Variants in CD99L2 observed in about 807,000 individuals in gnomAD.
CD99L2 encodes the protein CD99 molecule like 2, also known as CD99 antigen-like protein 2.
Under a neutral mutation model 27.3 loss-of-function variants are expected in CD99L2, and 24 were observed. That is an observed-to-expected ratio of 0.88 (90% CI 0.64 to 1.24). The LOEUF (loss-of-function observed/expected upper bound fraction) is 1.24, where lower values mean the gene tolerates loss of function less well. Ranked by LOEUF, CD99L2 falls within the 50% of genes most tolerant of loss-of-function variation. The pLI, the probability that CD99L2 is intolerant of heterozygous loss-of-function variation, is 0.00. For missense variants in CD99L2, 255 were observed against 221.6 expected (o/e 1.15, Z -0.96); for synonymous variants, 97 against 87.9 (o/e 1.10, Z -0.58).
At chrX:150,772,644 G>C (rs2043481016) in intron 9 of CD99L2, among the ~76,000 whole-genome samples, 1 of 112,973 alleles carries the variant, frequency 8.9e-6, no homozygotes, top group African/African-American at 3.2e-5. Flanking sequence ...GTGTGGAGGA[G>C]ACTGCACAGG....
At chrX:150,791,240 T>C (rs1442497889) in intron 7 of CD99L2, among the ~76,000 whole-genome samples, 1 of 112,157 alleles carries the variant, frequency 8.9e-6, no homozygotes, top group Non-Finnish European at 1.9e-5. Context: ...TTAGTATATA[T>C]ACATATATTT....
At chrX:150,865,256 G>A (rs915172218) in intron 1 of CD99L2, among the ~76,000 whole-genome samples, 1 of 109,539 alleles carries the variant, frequency 9.1e-6, no homozygotes, top group Non-Finnish European at 1.9e-5. Flanking sequence ...GTAACACTTT[G>A]GGAGGCCCAG....
intron 1 of CD99L2, among the ~76,000 whole-genome samples, chrX:150,866,302 C>A (rs5924846): frequency 9.1e-6 from 1 of 109,661 alleles, no homozygotes; most frequent in Non-Finnish European, 1.9e-5. Context: ...AAAAAACACA[C>A]CAGGAAAAAA....
Position 150,777,480 on chromosome X carries a change from C to G in CD99L2, c.499G>C (p.Asp167His). 8.3e-7 allele frequency: 1 copy of G among 1,210,991 alleles called. No homozygotes were observed. The highest frequency in any genetic ancestry group is 1.1e-6 in the Non-Finnish European group (1 of 895,265). Reference sequence around the variant, plus strand: ...TCGTCATTGCTGCCGTACCGGCCATCACCTGAAGAAAAGACAAAAGCACTT... The same window carrying G: ...TCGTCATTGCTGCCGTACCGGCCATGACCTGAAGAAAAGACAAAAGCACTT... ...GEYKPDKGKG[D>H]GRYGSNDDPG... Residue 167 changes from aspartate to histidine, a missense_variant and splice_region_variant, in exon 8 of 11, where the codon GAT (aspartate) becomes CAT (histidine). Asp to His is a moderately conservative substitution (Grantham distance 81, BLOSUM62 -1). Coordinates refer to ENST00000370377, the MANE Select transcript of CD99L2 (RefSeq NM_031462.4).
At chrX:150,792,383 T>C (rs782635327) in intron 7 of CD99L2, among the ~76,000 whole-genome samples, 1 of 112,254 alleles carries the variant, frequency 8.9e-6, no homozygotes, top group Admixed American at 9.4e-5. Context: ...CACCCAGAAG[T>C]AATTGGCTAA....
intron 1 of CD99L2, among the ~76,000 whole-genome samples, chrX:150,839,685 T>A (rs1399719010): frequency 6.5e-5 from 7 of 108,411 alleles, no homozygotes; most frequent in African/African-American, 1.3e-4. Context: ...CTGGGTAACA[T>A]AGGGAGACTC....
intron 1 of CD99L2, among the ~76,000 whole-genome samples, chrX:150,859,501 T>C (rs1264720282): frequency 9.1e-5 from 5 of 55,244 alleles, no homozygotes; most frequent in South Asian, 8.2e-4. Context: ...CTCTGTCTCT[T>C]TTTTTTTTTT....
intron 4 of CD99L2, among the ~76,000 whole-genome samples, chrX:150,805,705 C>T (rs1407463840): frequency 2.7e-5 from 3 of 111,492 alleles, no homozygotes; most frequent in Non-Finnish European, 5.6e-5. Context: ...AAATACTGTT[C>T]AGTGAGGAAA....
At chrX:150,789,371 G>A (rs1486019875) in intron 7 of CD99L2, among the ~76,000 whole-genome samples, 1 of 111,279 alleles carries the variant, frequency 9.0e-6, no homozygotes, top group Non-Finnish European at 1.9e-5. Flanking sequence ...ATCCACCCGC[G>A]TCGGCCTCCA....
chrX:150,825,545 T>G (rs782019545), intron 2 of CD99L2, among the ~76,000 whole-genome samples: 104 of 112,408 alleles, frequency 9.3e-4, no homozygotes, highest in Middle Eastern at 9.2e-3. Context: ...TGGAATCAGT[T>G]GTTGTGTCAG....
At chrX:150,868,431 A>C (rs2124338276) in intron 1 of CD99L2, among the ~76,000 whole-genome samples, 1 of 111,888 alleles carries the variant, frequency 8.9e-6, no homozygotes, top group African/African-American at 3.2e-5. Context: ...GGGAGGTTGA[A>C]GCAGAAGAAT....
At chrX:150,776,408 C>T (rs952932361) in intron 8 of CD99L2, 115 bp from the exon 9 acceptor site, 5 of 875,386 alleles carry the variant, frequency 5.7e-6, no homozygotes, top group Non-Finnish European at 7.7e-6. Flanking sequence ...GCCCCCAACC[C>T]CCAAGCCAGC....
At chrX:150,769,459 T>C (rs2043374695) in intron 10 of CD99L2, among the ~76,000 whole-genome samples, 1 of 112,810 alleles carries the variant, frequency 8.9e-6, no homozygotes, top group Non-Finnish European at 1.9e-5. Context: ...TGACAGTGGA[T>C]GCGACAGCGG....
rs375789738 is a variant in CD99L2, at chrX:150,805,403, G to C, written c.277+9459C>G. On this transcript the variant is annotated intron_variant, in intron 4 of 10. Coordinates refer to ENST00000370377, the MANE Select transcript of CD99L2 (RefSeq NM_031462.4). ...GAATAAGTTCTGGAGATTTATTATAGAGCAGGGTGACTATAGTTAATAATA... is the reference window on the plus strand; with the variant it reads ...GAATAAGTTCTGGAGATTTATTATACAGCAGGGTGACTATAGTTAATAATA... Among the ~76,000 whole-genome samples, 6 of 111,114 alleles carry C rather than the reference G, an allele frequency of 5.4e-5. No individual in the cohort carries two copies. The South Asian group carries it at 2.3e-3, about 42-fold the overall frequency.
At position 150,766,573 on chromosome X, in the gene CD99L2, T is replaced by C. The variant is rs1415300265; in HGVS notation, c.*2461A>G. ...CTTTATCTTTCCTTGAGCTGTGACT[T>C]CACCCAGCATGTGCTCAGAGTTGTT... On this transcript the variant is annotated 3_prime_UTR_variant, in exon 11 of 11. Coordinates refer to ENST00000370377, the MANE Select transcript of CD99L2 (RefSeq NM_031462.4). The C allele has an allele frequency of 9.2e-6, 1 of 108,967 alleles. No homozygotes were observed. The highest frequency in any genetic ancestry group is 1.9e-5 in the Non-Finnish European group (1 of 53,148). 9.0% of individuals were successfully genotyped at this position (108,967 alleles called of 1,213,427 possible).
chrX:150,815,225 G>A lies in CD99L2; in HGVS notation c.203-289C>T, dbSNP rs1331179906. On this transcript the variant is annotated intron_variant, in intron 3 of 10. Coordinates refer to ENST00000370377, the MANE Select transcript of CD99L2 (RefSeq NM_031462.4). ...GGCTAGCAGTCGGACCATTTTAACA[G>A]TATACTCACTGACTGTAGGTATTAA... Among the ~76,000 whole-genome samples, 4 of 111,894 alleles carry A rather than the reference G, an allele frequency of 3.6e-5. No homozygotes were observed. In the Admixed American group the frequency reaches 3.8e-4, roughly 11 times the overall value.
intron 5 of CD99L2, 55 bp downstream of exon 5, chrX:150,795,363 G>A: frequency 1.7e-6 from 2 of 1,204,458 alleles, no homozygotes; most frequent in African/African-American, 3.5e-5. Context: ...TCCTGTCTCA[G>A]AGGGAGCCCC....
At chrX:150,824,190 A>AGG (rs1199253187) in intron 2 of CD99L2, among the ~76,000 whole-genome samples, 25,850 of 65,743 alleles carry the variant, frequency 0.39, 10,332 homozygotes, top group East Asian at 0.61. Flanking sequence ...GAGGAGGAGG[A>AGG]AGAAGAAGAG....
intron 1 of CD99L2, among the ~76,000 whole-genome samples, chrX:150,865,287 C>T (rs2047043575): frequency 2.8e-5 from 3 of 108,476 alleles, no homozygotes; most frequent in African/African-American, 1.0e-4. Context: ...CTCTTGAGGC[C>T]AAGAGTTTGA....
Sources: allele counts gnomAD v4.1 joint callset (sites outside exome capture counted in the v4.1 genomes callset), GRCh38; gene constraint gnomAD v4.1.1; transcripts MANE v1.5; gene names NCBI Gene and HGNC (gene_info 2026-07-23, HGNC 2026-07-21).